DNAJC25: variants seen among roughly 807,000 people sequenced by gnomAD.
DNAJC25 encodes DnaJ heat shock protein family (Hsp40) member C25, also known as dnaJ homolog subfamily C member 25.
Under a neutral mutation model 42.1 loss-of-function variants are expected in DNAJC25, and 26 were observed. The ratio of observed to expected loss-of-function variants is 0.62; its 90% confidence interval spans 0.45 to 0.86. The LOEUF (loss-of-function observed/expected upper bound fraction) is 0.86. DNAJC25 is among the 40% of genes least tolerant of loss of function. The pLI, the probability that DNAJC25 is intolerant of heterozygous loss-of-function variation, is 0.00. For synonymous variants in DNAJC25, 189 were observed against 179.9 expected, an observed-to-expected ratio of 1.05 and a Z score of -0.40; for missense variants, 404 against 459.4, an observed-to-expected ratio of 0.88 and a Z score of 1.10.
intron 1 of DNAJC25, among the ~76,000 whole-genome samples, chr9:111,637,720 C>T (rs946955928): frequency 3.9e-5 from 6 of 152,206 alleles, no homozygotes; most frequent in African/African-American, 1.4e-4. Context: ...CTCTACTCAC[C>T]AGATCTGATC....
rs1564086405 is a variant in DNAJC25 at position 111,647,090 on chromosome 9, A to G, written c.337-17A>G. Reference sequence around the variant, plus strand: ...AATGGACTGTCCTATGAAGTTGGATATCTTGTCATTTTACAGGATGAAGAA... The same window carrying G: ...AATGGACTGTCCTATGAAGTTGGATGTCTTGTCATTTTACAGGATGAAGAA... On this transcript the variant is annotated splice_polypyrimidine_tract_variant and intron_variant, in intron 1 of 3. Coordinates refer to ENST00000313525, the MANE Select transcript of DNAJC25 (RefSeq NM_001015882.3). The G allele has an allele frequency of 3.7e-6, 6 of 1,612,126 alleles. No individual in the cohort carries two copies. Among genetic ancestry groups the G allele is most frequent in the Non-Finnish European group, 4.2e-6 (5 of 1,179,150 alleles).
At chr9:111,651,006 C>G (rs982681504) in intron 3 of DNAJC25, among the ~76,000 whole-genome samples, 1 of 152,096 alleles carries the variant, frequency 6.6e-6, no homozygotes, top group Non-Finnish European at 1.5e-5. Flanking sequence ...GTGGCTCACA[C>G]TTGTAATCCC....
chr9:111,632,085 C>T (rs779388100), intron 1 of DNAJC25, among the ~76,000 whole-genome samples: 23 of 152,198 alleles, frequency 1.5e-4, no homozygotes, highest in Non-Finnish European at 3.1e-4. Context: ...TGGGGTAGCC[C>T]ACAACAGGGA....
rs751987472 is a variant in DNAJC25 at position 111,649,655 on chromosome 9, A to G, written c.692A>G (p.Asp231Gly). Residue 231 changes from aspartate to glycine, a missense_variant, in exon 3 of 4, where the codon GAT (aspartate) becomes GGT (glycine). Transcript: ENST00000313525. Reference protein sequence around the residue: ...IIKNIIKSKIDIKGGYQKPQI... With the variant: ...IIKNIIKSKIGIKGGYQKPQI... ...AAGAACATTATAAAAAGTAAAATAG[A>G]TATAAAGGGGGGCTATCAGAAACCC... 1.2e-6 allele frequency: 2 copies of G among 1,613,840 alleles called. No homozygotes were observed. The highest frequency in any genetic ancestry group is 8.5e-7 in the Non-Finnish European group (1 of 1,179,932).
chr9:111,636,935 A>G (rs919005417), intron 1 of DNAJC25, among the ~76,000 whole-genome samples: 2 of 152,160 alleles, frequency 1.3e-5, no homozygotes, highest in African/African-American at 4.8e-5. Context: ...GTTACTCCCT[A>G]CTTATGGCCA....
intron 3 of DNAJC25, 108 bp from the exon 4 acceptor site, chr9:111,652,992 G>A: frequency 1.6e-6 from 2 of 1,221,848 alleles, no homozygotes; most frequent in Middle Eastern, 2.2e-4. Context: ...TACATTCACT[G>A]GAAACTTTTT....
intron 1 of DNAJC25, among the ~76,000 whole-genome samples, chr9:111,634,433 C>T (rs1218580813): frequency 6.6e-6 from 1 of 152,104 alleles, no homozygotes; most frequent in East Asian, 1.9e-4. Context: ...GCACATTATC[C>T]GTTGAGGCAA....
chr9:111,631,335 GACGGGACT>G lies in DNAJC25; in HGVS notation c.-71_-64del. The G allele has an allele frequency of 8.0e-7, 1 of 1,246,146 alleles. No individual in the cohort carries two copies. The allele number at this position is 1,246,146 out of a possible 1,614,324, so 77.2% of individuals were successfully genotyped here. A position where few individuals can be genotyped will look rare whatever the true frequency, so the allele number is the denominator to read the frequency against. ...GGCTGCTGACGTGTAGCTGGGGCCA[GACGGGACT>G]AGCCGGGCGCGCGGCTGAGTGCTGC... On this transcript the variant is annotated 5_prime_UTR_variant, in exon 1 of 4. Coordinates refer to ENST00000313525, the MANE Select transcript of DNAJC25 (RefSeq NM_001015882.3).
intron 1 of DNAJC25, among the ~76,000 whole-genome samples, chr9:111,644,546 G>A (rs1830535840): frequency 6.6e-6 from 1 of 152,146 alleles, no homozygotes; most frequent in South Asian, 2.1e-4. Context: ...AGATTTCAAC[G>A]ACACTCCAAG....
intron 2 of DNAJC25, among the ~76,000 whole-genome samples, chr9:111,648,436 AT>A (rs140652033): frequency 0.24 from 34,137 of 143,104 alleles, 3,964 homozygotes; most frequent in East Asian, 0.43. Flanking sequence ...TAATTTTTGT[AT>A]TTTTTTTTTT....
chr9:111,633,690 A>C (rs978821681), intron 1 of DNAJC25, among the ~76,000 whole-genome samples: 4 of 152,152 alleles, frequency 2.6e-5, no homozygotes, highest in Admixed American at 2.6e-4. Context: ...TTTGAAAACA[A>C]GTGCCATGAT....
chr9:111,644,255 T>C (rs1046198286), intron 1 of DNAJC25, among the ~76,000 whole-genome samples: 1 of 152,128 alleles, frequency 6.6e-6, no homozygotes, highest in African/African-American at 2.4e-5. Context: ...AGGACTCCAT[T>C]AGGGGACCTT....
intron 1 of DNAJC25, among the ~76,000 whole-genome samples, chr9:111,633,900 T>C (rs965011171): frequency 6.6e-6 from 1 of 152,212 alleles, no homozygotes; most frequent in Non-Finnish European, 1.5e-5. Context: ...AAGGAACGTT[T>C]AGGCAGTTAA....
chr9:111,646,347 C>G (rs1465585773), intron 1 of DNAJC25, among the ~76,000 whole-genome samples: 1 of 152,098 alleles, frequency 6.6e-6, no homozygotes, highest in Non-Finnish European at 1.5e-5. Context: ...TGTGAACATA[C>G]AGAGCAGCAT....
chr9:111,644,575 C>G (rs1019650743), intron 1 of DNAJC25, among the ~76,000 whole-genome samples: 1 of 152,212 alleles, frequency 6.6e-6, no homozygotes, highest in Non-Finnish European at 1.5e-5. Flanking sequence ...CCATATACTT[C>G]AACCAGGAGG....
At chr9:111,651,933 A>C (rs1830667620) in intron 3 of DNAJC25, among the ~76,000 whole-genome samples, 1 of 152,156 alleles carries the variant, frequency 6.6e-6, no homozygotes, top group Non-Finnish European at 1.5e-5. Flanking sequence ...CCTTCTTTGG[A>C]AACTTTAATT....
intron 1 of DNAJC25, among the ~76,000 whole-genome samples, chr9:111,646,082 T>G (rs1830564672): frequency 1.3e-5 from 2 of 152,194 alleles, no homozygotes; most frequent in South Asian, 4.1e-4. Flanking sequence ...AAAACAGACT[T>G]TTGTTTTTGT....
At position 111,631,715 on chromosome 9, in the gene DNAJC25, T is replaced by C; in HGVS notation, c.308T>C (p.Leu103Pro). 3 of 1,522,084 alleles carry C rather than the reference T, an allele frequency of 2.0e-6. No homozygotes were observed. The highest frequency in any genetic ancestry group is 2.6e-6 in the Non-Finnish European group (3 of 1,140,902). The allele number at this position is 1,522,084 out of a possible 1,614,324, so 94.3% of individuals were successfully genotyped here. A position where few individuals can be genotyped will look rare whatever the true frequency, so the allele number is the denominator to read the frequency against. ...CAGAGCGCCGAGGAGGCTTTCCTGC[T>C]GGTGGCAACCGCCTACGAGACACTC... Reference protein sequence around the residue: ...TPQSAEEAFLLVATAYETLKD... With the variant: ...TPQSAEEAFLPVATAYETLKD... Residue 103 changes from leucine to proline, a missense_variant, in exon 1 of 4, where the codon CTG becomes CCG. Physicochemically the swap from Leu to Pro is moderately conservative, Grantham distance 98. Transcript: ENST00000313525.
intron 1 of DNAJC25, among the ~76,000 whole-genome samples, chr9:111,632,087 C>A (rs1414141137): frequency 6.6e-6 from 1 of 152,236 alleles, no homozygotes; most frequent in East Asian, 1.9e-4. Context: ...GGGTAGCCCA[C>A]AACAGGGAAA....
Sources: gnomAD v4.1 joint callset for allele counts (sites outside exome capture counted in the v4.1 genomes callset) on GRCh38, gnomAD v4.1.1 for gene constraint, MANE v1.5 for transcripts, NCBI Gene and HGNC (gene_info 2026-07-23, HGNC 2026-07-21) for gene names.